Variants in NAP1L4 observed in about 807,000 individuals in gnomAD.
NAP1L4 encodes the protein nucleosome assembly protein 1 like 4, also known as nucleosome assembly protein 1-like 4.
In NAP1L4, 15 loss-of-function variants were observed where a neutral mutation model predicts 58.2. The observed-to-expected ratio is 0.26, with a 90% CI of 0.17 to 0.40. The LOEUF is 0.40. Among genes scored for constraint, NAP1L4 ranks in the 10% least tolerant of loss-of-function variants. The pLI is 1.00. For synonymous variants in NAP1L4, 171 were observed against 155.6 expected, an observed-to-expected ratio of 1.10 and a Z score of -0.74; for missense variants, 384 against 451.1, an observed-to-expected ratio of 0.85 and a Z score of 1.35.
chr11:2,991,590 GCT>G (rs1372606048), intron 1 of NAP1L4, among the ~76,000 whole-genome samples: 3 of 152,088 alleles, frequency 2.0e-5, no homozygotes, highest in Non-Finnish European at 4.4e-5. Flanking sequence ...ACGCCGCCCA[GCT>G]CGCTCCCACC....
At chr11:2,972,080 T>C in intron 5 of NAP1L4, 22 bp downstream of exon 5, 1 of 1,522,306 alleles carries the variant, frequency 6.6e-7, no homozygotes, top group South Asian at 1.3e-5. Flanking sequence ...TATCTGTATA[T>C]TAAATTAACA....
At chr11:2,968,259 G>C (rs1055432536) in intron 7 of NAP1L4, among the ~76,000 whole-genome samples, 7 of 152,172 alleles carry the variant, frequency 4.6e-5, no homozygotes, top group Non-Finnish European at 7.3e-5. Context: ...AAAACTCTCA[G>C]TGCCATGGTG....
At chr11:2,966,108 C>T (rs1240974666) in intron 7 of NAP1L4, among the ~76,000 whole-genome samples, 1 of 152,178 alleles carries the variant, frequency 6.6e-6, no homozygotes, top group South Asian at 2.1e-4. Context: ...TTCTTTACCC[C>T]CAAAGTCTGG....
At chr11:2,966,483 G>A (rs1847285775) in intron 7 of NAP1L4, among the ~76,000 whole-genome samples, 1 of 152,010 alleles carries the variant, frequency 6.6e-6, no homozygotes, top group Non-Finnish European at 1.5e-5. Flanking sequence ...CTCTGCTTCG[G>A]TGAGCTGTTT....
rs576459845 is a variant in NAP1L4 at position 2,947,009 on chromosome 11, CG to C, written c.*33-1364del. On this transcript the variant is annotated intron_variant, in intron 15 of 15. Coordinates refer to ENST00000380542, the MANE Select transcript of NAP1L4 (RefSeq NM_005969.4). ...TGTCAGTAAAGGAGCTGTGCAGGGACGGGGAAGACTGGGGCTGGTGACAAGG... is the reference window on the plus strand; with the variant it reads ...TGTCAGTAAAGGAGCTGTGCAGGGACGGGAAGACTGGGGCTGGTGACAAGG... 6.7e-3 allele frequency among the ~76,000 whole-genome samples: 1,022 copies of C among 152,246 alleles called. 11 individuals are homozygous for C. The highest frequency in any genetic ancestry group is 0.023 in the African/African-American group (963 of 41,544).
rs368801317 is a variant in NAP1L4 at position 2,951,285 on chromosome 11, C to T, written c.1096G>A (p.Glu366Lys). 5.6e-6 allele frequency: 9 copies of T among 1,613,990 alleles called. No homozygotes were observed. The highest frequency in any genetic ancestry group is 2.2e-5 in the East Asian group (1 of 44,882). ...TTGGGGTTAATTTCCGCATCATCCT[C>T]GTCTTCTCCCTCCTCGTCACCTTCT... ...ELEGDEEGED[E>K]DDAEINPKV The change falls in exon 14 of 16, where the codon GAG (glutamate) becomes AAG (lysine). Residue 366 changes from glutamate to lysine, a missense_variant. Transcript: ENST00000380542. The surrounding 1 kb of genome is among the most constrained non-coding windows in gnomAD (Gnocchi z 4.0).
Position 2,949,097 on chromosome 11 carries a change from T to G in NAP1L4, c.*32+130A>C. 1 of 681,256 alleles carries G rather than the reference T, an allele frequency of 1.5e-6. No individual in the cohort carries two copies. The highest frequency in any genetic ancestry group is 2.5e-6 in the Non-Finnish European group (1 of 400,666). 42.2% of individuals were successfully genotyped at this position (681,256 alleles called of 1,614,324 possible). On this transcript the variant is annotated intron_variant, in intron 15 of 15. Transcript: ENST00000380542. This position sits in a 1 kb window ranked among gnomAD's most constrained non-coding sequence, Gnocchi z 4.0. Reference sequence around the variant, plus strand: ...TTTAAAAGTACATGTAACAGACACCTATGTCAAACCTGTGACACAGTGAGT... The same window carrying G: ...TTTAAAAGTACATGTAACAGACACCGATGTCAAACCTGTGACACAGTGAGT...
chr11:2,952,911 A>G (rs1473452575), intron 12 of NAP1L4: 1 of 152,056 alleles, frequency 6.6e-6, no homozygotes, highest in Admixed American at 6.6e-5. Flanking sequence ...TCCTCCAACA[A>G]CTTTCTAGTG....
chr11:2,975,975 T>C, intron 4 of NAP1L4, 49 bp downstream of exon 4: 1 of 1,510,010 alleles, frequency 6.6e-7, no homozygotes, highest in Non-Finnish European at 9.0e-7. Flanking sequence ...TCCTTTATTT[T>C]CCTTTTGTTT....
Position 2,949,217 on chromosome 11 carries a change from T to C in NAP1L4, c.*32+10A>G. On this transcript the variant is annotated intron_variant, in intron 15 of 15. Coordinates refer to ENST00000380542, the MANE Select transcript of NAP1L4 (RefSeq NM_005969.4). The surrounding 1 kb of genome is among the most constrained non-coding windows in gnomAD (Gnocchi z 4.0). ...TTTGGAAGTTAGGTATGAATGGAAT[T>C]CCACCTTACCTAGAAACGTATGAAT... 1 of 1,582,094 alleles carries C rather than the reference T, an allele frequency of 6.3e-7. No homozygotes were observed. The highest frequency in any genetic ancestry group is 8.7e-7 in the Non-Finnish European group (1 of 1,151,444).
chr11:2,976,270 T>C (rs918426670), intron 3 of NAP1L4, 147 bp from the exon 4 acceptor site: 1 of 595,152 alleles, frequency 1.7e-6, no homozygotes, highest in Admixed American at 3.3e-5. Flanking sequence ...TTCTTAAACA[T>C]GTTTTGAAAA....
chr11:2,985,704 A>C (rs1848577875), intron 1 of NAP1L4, among the ~76,000 whole-genome samples: 2 of 151,956 alleles, frequency 1.3e-5, no homozygotes, highest in African/African-American at 4.9e-5. Context: ...AATAATAACT[A>C]AAAATAAATA....
At chr11:2,950,863 T>C (rs1846188353) in intron 14 of NAP1L4, 1 of 169,508 alleles carries the variant, frequency 5.9e-6, no homozygotes, top group Non-Finnish European at 1.3e-5. Context: ...ACAATCCCAT[T>C]ATTCTGTTCC....
Position 2,949,268 on chromosome 11 carries a change from A to C in NAP1L4, c.1123-4T>G. The C allele has an allele frequency of 6.3e-7, 1 of 1,596,806 alleles. No homozygotes were observed. Among genetic ancestry groups the C allele is most frequent in the Non-Finnish European group, 8.6e-7 (1 of 1,164,214 alleles). ...GATTAACAGACAAAAATTACACCTA[A>C]ATGGGGAAAAAAATTGAAAGGAACT... On this transcript the variant is annotated splice_polypyrimidine_tract_variant and splice_region_variant and intron_variant, in intron 14 of 15. Coordinates refer to ENST00000380542, the MANE Select transcript of NAP1L4 (RefSeq NM_005969.4). The surrounding 1 kb of genome is among the most constrained non-coding windows in gnomAD (Gnocchi z 4.0).
chr11:2,976,044 G>C lies in NAP1L4; in HGVS notation c.153C>G (p.Thr51=). ...CTTACGTTTCGATGTAGCTGGAAGGGGTGTGAGGGACATTGTCAAGTCGCT... is the reference window on the plus strand; with the variant it reads ...CTTACGTTTCGATGTAGCTGGAAGGCGTGTGAGGGACATTGTCAAGTCGCT... ...LQERLDNVPH[T]PSSYIETLPK... The change falls in exon 4 of 16, where the codon ACC becomes ACG. Residue 51 remains threonine (T), a synonymous_variant. Transcript: ENST00000380542. The C allele has an allele frequency of 1.9e-6, 3 of 1,613,874 alleles. No individual in the cohort carries two copies. The highest frequency in any genetic ancestry group is 1.3e-5 in the African/African-American group (1 of 74,980).
chr11:2,967,841 G>A (rs544127648), intron 7 of NAP1L4, among the ~76,000 whole-genome samples: 2 of 152,244 alleles, frequency 1.3e-5, no homozygotes, highest in East Asian at 1.9e-4. Flanking sequence ...GAGGTGCTGG[G>A]AGAATGAGAA....
intron 8 of NAP1L4, among the ~76,000 whole-genome samples, chr11:2,964,212 G>C (rs565839652): frequency 6.6e-6 from 1 of 151,048 alleles, no homozygotes; most frequent in Non-Finnish European, 1.5e-5. Context: ...CTTTTTAAAC[G>C]TTAAACATAT....
chr11:2,976,757 G>T (rs1039827254), intron 3 of NAP1L4, among the ~76,000 whole-genome samples: 3 of 152,184 alleles, frequency 2.0e-5, no homozygotes, highest in African/African-American at 7.2e-5. Context: ...CAAGCTGTTT[G>T]TATTTATAAG....
At chr11:2,984,349 G>A (rs572725351) in intron 1 of NAP1L4, among the ~76,000 whole-genome samples, 40 of 152,170 alleles carry the variant, frequency 2.6e-4, no homozygotes, top group African/African-American at 9.6e-4. Flanking sequence ...GAGGCGAGCG[G>A]ATCATCTGAG....
Sources: allele counts gnomAD v4.1 joint callset (sites outside exome capture counted in the v4.1 genomes callset), GRCh38; gene constraint gnomAD v4.1.1; non-coding constraint Gnocchi (gnomAD v3.1); transcripts MANE v1.5; gene names NCBI Gene and HGNC (gene_info 2026-07-23, HGNC 2026-07-21).